The following GMDS variants were observed in gnomAD, a reference collection of about 807,000 sequenced individuals.
GMDS encodes the protein GDP-mannose 4,6 dehydratase.
GMDS carries 20 observed loss-of-function variants against 49.9 expected under a neutral mutation model. The observed-to-expected ratio is 0.40, with a 90% CI of 0.28 to 0.58. The LOEUF is 0.58. Among genes scored for constraint, GMDS ranks in the 20% least tolerant of loss-of-function variants. The pLI, the probability that GMDS is intolerant of heterozygous loss-of-function variation, is 0.42. For synonymous variants in GMDS, 177 were observed against 178.6 expected, an observed-to-expected ratio of 0.99 and a Z score of 0.07; for missense variants, 362 against 481.4, an observed-to-expected ratio of 0.75 and a Z score of 2.32.
At chr6:2,116,630 ATGCTGTC>A (rs1474591860) in intron 3 of GMDS, among the ~76,000 whole-genome samples, 2 of 152,208 alleles carry the variant, frequency 1.3e-5, no homozygotes, top group Non-Finnish European at 2.9e-5. Context: ...CATCTTCCTG[ATGCTGTC>A]ACTACCTATA....
chr6:1,696,436 A>C (rs560837043), intron 9 of GMDS, among the ~76,000 whole-genome samples: 43 of 152,232 alleles, frequency 2.8e-4, no homozygotes, highest in Non-Finnish European at 5.1e-4. Context: ...AATTTTGGCT[A>C]CTTTAGTTGC....
At chr6:2,218,153 T>C (rs1470073277) in intron 1 of GMDS, among the ~76,000 whole-genome samples, 1 of 152,176 alleles carries the variant, frequency 6.6e-6, no homozygotes, top group Non-Finnish European at 1.5e-5. Flanking sequence ...GACCATTTTC[T>C]CACTTACTCC....
chr6:1,815,288 T>C (rs73716399), intron 7 of GMDS, among the ~76,000 whole-genome samples: 13,257 of 152,184 alleles, frequency 0.087, 1,320 homozygotes, highest in African/African-American at 0.24. Context: ...AGTAAAAAAT[T>C]TACCCCAAGT....
chr6:1,789,368 C>T (rs1450166830), intron 7 of GMDS, among the ~76,000 whole-genome samples: 1 of 152,228 alleles, frequency 6.6e-6, no homozygotes, highest in East Asian at 1.9e-4. Flanking sequence ...CAGCCCCCAC[C>T]CTGAAACCAT....
intron 1 of GMDS, among the ~76,000 whole-genome samples, chr6:2,190,145 T>G (rs1561643395): frequency 6.6e-6 from 1 of 152,222 alleles, no homozygotes; most frequent in Non-Finnish European, 1.5e-5. Flanking sequence ...ATTTTATATT[T>G]TATTTCTGAA....
rs1056633604 is a variant in GMDS, at chr6:1,743,958, C to T, written c.772-1372G>A. Among the ~76,000 whole-genome samples, 12 of 152,118 alleles carry T rather than the reference C, an allele frequency of 7.9e-5. No homozygotes were observed. In the South Asian group the frequency reaches 1.0e-3, roughly 13 times the overall value. On this transcript the variant is annotated intron_variant, in intron 7 of 10. Transcript: ENST00000380815. Reference sequence around the variant, plus strand: ...TCCAATGATATGTGCATTGAACTCTCGTTCCAGCAAAATTTAAACAAAACT... The same window carrying T: ...TCCAATGATATGTGCATTGAACTCTTGTTCCAGCAAAATTTAAACAAAACT...
At chr6:1,662,015 G>A (rs1179476139) in intron 9 of GMDS, among the ~76,000 whole-genome samples, 1 of 152,134 alleles carries the variant, frequency 6.6e-6, no homozygotes, top group African/African-American at 2.4e-5. Flanking sequence ...GGAGCACCGG[G>A]AGTCACAAAT....
chr6:1,853,421 G>A (rs1757790022), intron 7 of GMDS, among the ~76,000 whole-genome samples: 1 of 148,716 alleles, frequency 6.7e-6, no homozygotes, highest in African/African-American at 2.6e-5. Flanking sequence ...GGGAGGCTGA[G>A]GCAGGAGAAT....
At chr6:1,668,081 C>T (rs1052018903) in intron 9 of GMDS, among the ~76,000 whole-genome samples, 1 of 152,096 alleles carries the variant, frequency 6.6e-6, no homozygotes, top group African/African-American at 2.4e-5. Flanking sequence ...CTTAGATGTT[C>T]TATAAAAATG....
intron 4 of GMDS, among the ~76,000 whole-genome samples, chr6:1,976,651 A>C (rs200723984): frequency 7.3e-5 from 11 of 151,684 alleles, no homozygotes; most frequent in African/African-American, 2.4e-4. Flanking sequence ...AACAGATACT[A>C]TAAGAGGAAA....
Position 1,623,862 on chromosome 6 carries a change from C to A in GMDS, c.*307G>T. On this transcript the variant is annotated 3_prime_UTR_variant, in exon 11 of 11. Transcript: ENST00000380815. ...GAAAAGAGAAAAACAATTTGAAGGC[C>A]CCACAATTTGTTGTGTAACAACATA... The A allele has an allele frequency of 2.5e-6, 1 of 395,930 alleles. No individual in the cohort carries two copies. Among genetic ancestry groups the A allele is most frequent in the South Asian group, 5.9e-5 (1 of 17,034 alleles). The allele number at this position is 395,930 out of a possible 1,614,324, so 24.5% of individuals were successfully genotyped here.
chr6:1,801,593 C>A (rs1769952563), intron 7 of GMDS, among the ~76,000 whole-genome samples: 1 of 152,240 alleles, frequency 6.6e-6, no homozygotes, highest in South Asian at 2.1e-4. Flanking sequence ...AGAGGCAGGG[C>A]AAAGGGAGCA....
intron 7 of GMDS, 83 bp from the exon 8 acceptor site, chr6:1,742,669 G>A (rs1767319711): frequency 1.4e-6 from 1 of 739,722 alleles, no homozygotes; most frequent in Admixed American, 2.0e-5. Context: ...ATCAGATATG[G>A]ACATCGACAG....
At chr6:1,957,773 C>T (rs568870558) in intron 6 of GMDS, among the ~76,000 whole-genome samples, 49 of 152,222 alleles carry the variant, frequency 3.2e-4, no homozygotes, top group Admixed American at 5.2e-4. Flanking sequence ...TAAATGAAGA[C>T]GTGTTACTTT....
intron 1 of GMDS, among the ~76,000 whole-genome samples, chr6:2,176,911 C>G (rs1254498928): frequency 2.0e-5 from 3 of 152,126 alleles, no homozygotes; most frequent in Admixed American, 2.0e-4. Flanking sequence ...TCAAGGCAAG[C>G]AGGTTAGGAA....
chr6:1,679,540 T>C (rs1441313941), intron 9 of GMDS: 1 of 152,212 alleles, frequency 6.6e-6, no homozygotes, highest in Non-Finnish European at 1.5e-5. Context: ...CCTGTTGGTA[T>C]CGACCTTGTA....
intron 4 of GMDS, among the ~76,000 whole-genome samples, chr6:2,103,385 C>G (rs922571544): frequency 2.0e-5 from 3 of 152,028 alleles, no homozygotes; most frequent in African/African-American, 7.3e-5. Flanking sequence ...AGAGACTTGC[C>G]AGATACTGCT....
intron 4 of GMDS, among the ~76,000 whole-genome samples, chr6:2,109,980 C>T (rs1214833124): frequency 1.3e-5 from 2 of 152,176 alleles, no homozygotes; most frequent in African/African-American, 4.8e-5. Flanking sequence ...TGTCAGGCTC[C>T]CCAGGGTCCA....
chr6:1,843,909 G>T (rs1424555006), intron 7 of GMDS, among the ~76,000 whole-genome samples: 2 of 152,186 alleles, frequency 1.3e-5, no homozygotes, highest in African/African-American at 4.8e-5. Context: ...TGAGGCCATA[G>T]CGTCTGCATG....
Sources: allele counts gnomAD v4.1 joint callset (sites outside exome capture counted in the v4.1 genomes callset), GRCh38; gene constraint gnomAD v4.1.1; transcripts MANE v1.5; gene names NCBI Gene and HGNC (gene_info 2026-07-23, HGNC 2026-07-21).